Variants in CNTNAP1 observed in about 807,000 individuals in gnomAD.
CNTNAP1 encodes the protein contactin-associated protein 1.
A neutral mutation model predicts 161.5 loss-of-function variants in CNTNAP1; 80 were observed. The ratio of observed to expected loss-of-function variants is 0.50; its 90% CI spans 0.41 to 0.60. CNTNAP1 has a LOEUF of 0.60. Among genes scored for constraint, CNTNAP1 ranks in the 20% least tolerant of loss-of-function variants. The pLI is 0.00. For synonymous variants in CNTNAP1, 695 were observed against 733.1 expected (o/e 0.95, Z 0.84); for missense variants, 1,464 against 1,854.8 (o/e 0.79, Z 3.87).
In CNTNAP1 at chr17:42,687,111, G is replaced by A; in HGVS notation, c.1044+65G>A. On this transcript the variant is annotated intron_variant, in intron 7 of 23. Transcript: ENST00000264638. The surrounding 1 kb of genome is among the most constrained non-coding windows in gnomAD (Gnocchi z 4.7). Reference sequence around the variant, plus strand: ...GCGTCGTGGAAAGCAAAGAGGTGGAGCGGGAAGAGATATTGAACATCAGAT... The same window carrying A: ...GCGTCGTGGAAAGCAAAGAGGTGGAACGGGAAGAGATATTGAACATCAGAT... The A allele has an allele frequency of 1.3e-6, 2 of 1,570,786 alleles. No individual in the cohort carries two copies. Among genetic ancestry groups the A allele is most frequent in the Non-Finnish European group, 8.7e-7 (1 of 1,151,128 alleles).
chr17:42,692,922 C>G (rs1184821316), intron 17 of CNTNAP1, among the ~76,000 whole-genome samples: 1 of 151,958 alleles, frequency 6.6e-6, no homozygotes, highest in Admixed American at 6.6e-5. Flanking sequence ...AACTACAATA[C>G]TTCATCCTGT....
chr17:42,688,352 C>A, intron 8 of CNTNAP1, 110 bp from the exon 9 acceptor site: 1 of 1,420,876 alleles, frequency 7.0e-7, no homozygotes, highest in South Asian at 1.2e-5. Context: ...ATCACGGGGG[C>A]ACACAGGCTG....
chr17:42,689,623 C>G lies in CNTNAP1; in HGVS notation c.1731C>G (p.His577Gln). ...CGGGCTACAAGGGAGAGACCTGCCA[C>G]ACACGTAAGCCAGATGTGGTATGGG... ...ELTGYKGETC[H>Q]TPLYKESCEA... The change falls in exon 11 of 24, where the codon CAC (histidine) becomes CAG (glutamine). Residue 577 changes from histidine to glutamine, a missense_variant. His to Gln is a conservative substitution (Grantham distance 24, BLOSUM62 0). Transcript: ENST00000264638. The G allele has an allele frequency of 6.2e-7, 1 of 1,613,442 alleles. No homozygotes were observed. The highest frequency in any genetic ancestry group is 8.5e-7 in the Non-Finnish European group (1 of 1,179,482).
At chr17:42,692,384 G>T in intron 16 of CNTNAP1, 115 bp from the exon 17 acceptor site, 1 of 847,470 alleles carries the variant, frequency 1.2e-6, no homozygotes, top group Non-Finnish European at 1.9e-6. Context: ...CAAATTGGAG[G>T]GATATTCAAG....
intron 6 of CNTNAP1, among the ~76,000 whole-genome samples, chr17:42,686,477 T>TTTTTTTG (rs1555642234): frequency 2.3e-5 from 2 of 87,898 alleles, no homozygotes; most frequent in African/African-American, 8.9e-5. Flanking sequence ...CTGTTTTTTT[T>TTTTTTTG]TTTTTTTTTT....
rs2143650428 is a variant in CNTNAP1 at position 42,686,150 on chromosome 17, C to T, written c.900+9C>T. 1.9e-6 allele frequency: 3 copies of T among 1,613,544 alleles called. No individual in the cohort carries two copies. The highest frequency in any genetic ancestry group is 2.5e-6 in the Non-Finnish European group (3 of 1,179,482). On this transcript the variant is annotated intron_variant, in intron 6 of 23. Coordinates refer to ENST00000264638, the MANE Select transcript of CNTNAP1 (RefSeq NM_003632.3). ...TGAACCTGGACACTGAGGTGAGAGA[C>T]TAGGGAGGTGCTATTTCGTGGTAGG...
chr17:42,693,757 C>T (rs971163037), intron 18 of CNTNAP1, among the ~76,000 whole-genome samples: 1 of 152,154 alleles, frequency 6.6e-6, no homozygotes, highest in Non-Finnish European at 1.5e-5. Flanking sequence ...GCAAAAATAT[C>T]TCAAAATCAC....
Position 42,686,108 on chromosome 17 carries a change from T to C in CNTNAP1, c.867T>C (p.Asn289=), listed in dbSNP as rs1229628599. 6.2e-7 allele frequency: 1 copy of C among 1,614,194 alleles called. No individual in the cohort carries two copies. The highest frequency in any genetic ancestry group is 1.7e-5 in the Admixed American group (1 of 60,028). ...LDGYVQRFIL[N]GDFERLNLDT... ...GCTATGTGCAGCGCTTTATTCTCAA[T>C]GGAGACTTCGAGAGGCTGAACCTGG... Residue 289 remains asparagine (N), a synonymous_variant, in exon 6 of 24, where the codon AAT becomes AAC. Transcript: ENST00000264638.
intron 17 of CNTNAP1, among the ~76,000 whole-genome samples, chr17:42,692,969 T>G (rs1460650526): frequency 6.6e-6 from 1 of 151,212 alleles, no homozygotes; most frequent in Non-Finnish European, 1.5e-5. Context: ...TTTTTTTTTT[T>G]TTTTTGAGAC....
At position 42,691,028 on chromosome 17, in the gene CNTNAP1, C is replaced by A. The variant is rs1174838540; in HGVS notation, c.2059+86C>A. 1 of 1,597,872 alleles carries A rather than the reference C, an allele frequency of 6.3e-7. No individual in the cohort carries two copies. Among genetic ancestry groups the A allele is most frequent in the Non-Finnish European group, 8.5e-7 (1 of 1,170,034 alleles). ...AAGGAAGCCAGAGAGCCAGCTGGGG[C>A]CTTGGGTTGGAAGATTCAAGGAGGG... is the stretch of plus-strand genomic sequence containing the variant. On this transcript the variant is annotated intron_variant, in intron 13 of 23. Transcript: ENST00000264638. This position sits in a 1 kb window ranked among gnomAD's most constrained non-coding sequence, Gnocchi z 4.3.
rs114795431 is a variant in CNTNAP1 at position 42,690,663 on chromosome 17, G to A, written c.1856-76G>A. On this transcript the variant is annotated intron_variant, in intron 12 of 23. Coordinates refer to ENST00000264638, the MANE Select transcript of CNTNAP1 (RefSeq NM_003632.3). Reference sequence around the variant, plus strand: ...TTCAGTGGCTCTGAGTTGCAGCAGCGGTGGTGGAGGTGGGCAGGGAGATGG... The same window carrying A: ...TTCAGTGGCTCTGAGTTGCAGCAGCAGTGGTGGAGGTGGGCAGGGAGATGG... The A allele has an allele frequency of 2.1e-3, 3,083 of 1,446,744 alleles. 56 individuals are homozygous for A. In the African/African-American group the frequency reaches 0.037, roughly 17 times the overall value. 89.6% of individuals were successfully genotyped at this position (1,446,744 alleles called of 1,614,324 possible). A position where few individuals can be genotyped will look rare whatever the true frequency, so the allele number is the denominator to read the frequency against.
intron 17 of CNTNAP1, 80 bp downstream of exon 17, chr17:42,692,800 C>A: frequency 7.4e-7 from 1 of 1,345,904 alleles, no homozygotes; most frequent in Non-Finnish European, 1.0e-6. Context: ...TTTCCAGGAG[C>A]CTCCTGTCTT....
At chr17:42,683,280 C>A in intron 1 of CNTNAP1, 1 of 952,100 alleles carries the variant, frequency 1.1e-6, no homozygotes, top group Non-Finnish European at 1.3e-6. Context: ...GGGTTTGTGG[C>A]TAGGGCTGGG....
Position 42,682,726 on chromosome 17 carries a change from G to A in CNTNAP1, c.-104G>A, listed in dbSNP as rs750220648. 288 of 1,139,372 alleles carry A rather than the reference G, an allele frequency of 2.5e-4. No individual in the cohort carries two copies. Among genetic ancestry groups the A allele is most frequent in the Non-Finnish European group, 3.6e-4 (280 of 785,536 alleles). The allele number at this position is 1,139,372 out of a possible 1,614,324, so 70.6% of individuals were successfully genotyped here. ...GAAGGGTGGGTAAGGAGGAGAGAGC[G>A]GTCTGCTGCAAACCCCAGGAGGAGA... On this transcript the variant is annotated 5_prime_UTR_variant, in exon 1 of 24. Transcript: ENST00000264638.
chr17:42,693,898 T>C (rs2053123153), intron 18 of CNTNAP1, among the ~76,000 whole-genome samples: 2 of 152,128 alleles, frequency 1.3e-5, no homozygotes, highest in South Asian at 4.2e-4. Context: ...GGAATCTCGC[T>C]CTGTCACCCA....
intron 1 of CNTNAP1, 76 bp from the exon 2 acceptor site, chr17:42,683,745 G>C: frequency 1.3e-6 from 2 of 1,525,892 alleles, no homozygotes; most frequent in South Asian, 1.2e-5. Flanking sequence ...GGGAAGCTTC[G>C]GTCGCTAAGT....
chr17:42,682,756 G>C lies in CNTNAP1; in HGVS notation c.-74G>C. ...GCTGCAAACCCCAGGAGGAGAGCTT[G>C]GAGCCCAAGCCAGAACTCGAGCCCT... On this transcript the variant is annotated 5_prime_UTR_variant, in exon 1 of 24. Coordinates refer to ENST00000264638, the MANE Select transcript of CNTNAP1 (RefSeq NM_003632.3). 6.8e-7 allele frequency: 1 copy of C among 1,471,834 alleles called. No individual in the cohort carries two copies. The highest frequency in any genetic ancestry group is 1.4e-5 in the African/African-American group (1 of 71,776). 91.2% of individuals were successfully genotyped at this position (1,471,834 alleles called of 1,614,324 possible). A position where few individuals can be genotyped will look rare whatever the true frequency, so the allele number is the denominator to read the frequency against.
rs1318052346 is a variant in CNTNAP1, at chr17:42,686,000, C to A, written c.759C>A (p.Ser253Arg). ...IQPRPGHTTV[S>R]AGGVLNDQHW... Reference sequence around the variant, plus strand: ...CAAGACCAGGTCACACCACCGTGAGCGCAGGCGGAGTCCTCAATGACCAGC... The same window carrying A: ...CAAGACCAGGTCACACCACCGTGAGAGCAGGCGGAGTCCTCAATGACCAGC... Residue 253 changes from serine (S) to arginine (R), a missense_variant, in exon 6 of 24, where the codon AGC (serine) becomes AGA (arginine). Transcript: ENST00000264638. This position sits in a 1 kb window ranked among gnomAD's most constrained non-coding sequence, Gnocchi z 5.0. The A allele has an allele frequency of 1.2e-6, 2 of 1,614,062 alleles. No homozygotes were observed. The highest frequency in any genetic ancestry group is 1.3e-5 in the African/African-American group (1 of 74,908).
In CNTNAP1 at chr17:42,691,204, G is replaced by A. The variant is rs1199745809; in HGVS notation, c.2127G>A (p.Gln709=). The A allele has an allele frequency of 1.2e-6, 2 of 1,614,162 alleles. No homozygotes were observed. Among genetic ancestry groups the A allele is most frequent in the Admixed American group, 1.7e-5 (1 of 60,024 alleles). ...EEQHFYWGGS[Q]PGIQRCACGL... ...AGCACTTCTACTGGGGAGGCTCCCA[G>A]CCTGGGATCCAGCGCTGTGCCTGTG... Residue 709 remains glutamine (Q), a synonymous_variant, in exon 14 of 24, where the codon CAG becomes CAA. Transcript: ENST00000264638. This position sits in a 1 kb window ranked among gnomAD's most constrained non-coding sequence, Gnocchi z 4.3.
Sources: gnomAD v4.1 joint callset for allele counts (sites outside exome capture counted in the v4.1 genomes callset) on GRCh38, gnomAD v4.1.1 for gene constraint, Gnocchi (gnomAD v3.1) non-coding constraint, MANE v1.5 for transcripts, NCBI Gene and HGNC (gene_info 2026-07-23, HGNC 2026-07-21) for gene names.